Variants in COL2A1 observed in about 807,000 individuals in gnomAD.
COL2A1 encodes collagen type II alpha 1 chain.
A neutral mutation model predicts 204.5 loss-of-function variants in COL2A1; 28 were observed. That is an observed-to-expected ratio of 0.14 (90% confidence interval 0.10 to 0.19). The LOEUF is 0.19. Among genes scored for constraint, COL2A1 ranks in the 10% least tolerant of loss-of-function variants. The pLI, the probability that COL2A1 is intolerant of heterozygous loss-of-function variation, is 1.00. For missense variants in COL2A1, 1,388 were observed against 2,027.5 expected (o/e 0.68, Z 6.06); for synonymous variants, 708 against 718.7 (o/e 0.99, Z 0.24).
Position 47,976,414 on chromosome 12 carries a change from C to G in COL2A1, c.3489+100G>C. 7.2e-7 allele frequency: 1 copy of G among 1,387,254 alleles called. No homozygotes were observed. The highest frequency in any genetic ancestry group is 1.2e-5 in the South Asian group (1 of 85,916). 85.9% of individuals were successfully genotyped at this position (1,387,254 alleles called of 1,614,324 possible). A position where few individuals can be genotyped will look rare whatever the true frequency, so the allele number is the denominator to read the frequency against. ...CATTACTGAGTGAGGACCCCTGAGC[C>G]CACAGCTTCCCCAGAAGCAGCAGCA... is the stretch of plus-strand genomic sequence containing the variant. On this transcript the variant is annotated intron_variant, in intron 49 of 53. Transcript: ENST00000380518. This position sits in a 1 kb window ranked among gnomAD's most constrained non-coding sequence, Gnocchi z 4.3.
chr12:47,979,980 C>T (rs757878619), intron 40 of COL2A1, 29 bp downstream of exon 40: 1 of 1,546,122 alleles, frequency 6.5e-7, no homozygotes. Context: ...TTGTGAGGTG[C>T]AGGGTGGGGT....
intron 40 of COL2A1, 112 bp downstream of exon 40, chr12:47,979,897 A>G: frequency 2.0e-6 from 2 of 1,019,208 alleles, no homozygotes; most frequent in Non-Finnish European, 2.9e-6. Flanking sequence ...CTGGGGACCA[A>G]CGCAGGGCTG....
intron 18 of COL2A1, among the ~76,000 whole-genome samples, chr12:47,988,806 G>A (rs534118419): frequency 6.6e-6 from 1 of 152,380 alleles, no homozygotes; most frequent in Admixed American, 6.5e-5. Context: ...ACCCAGAGGG[G>A]AGCAGGGGCT....
intron 4 of COL2A1, 26 bp from the exon 5 acceptor site, chr12:47,998,090 G>A (rs766779650): frequency 1.2e-6 from 2 of 1,614,206 alleles, no homozygotes; most frequent in Admixed American, 1.7e-5. Flanking sequence ...CCACAGGATG[G>A]TAAGTTAGAG....
Position 47,993,462 on chromosome 12 carries a change from G to A in COL2A1, c.965C>T (p.Pro322Leu), listed in dbSNP as rs1382133199. The A allele has an allele frequency of 6.2e-7, 1 of 1,612,638 alleles. No individual in the cohort carries two copies. Among genetic ancestry groups the A allele is most frequent in the East Asian group, 2.2e-5 (1 of 44,882 alleles). Residue 322 changes from proline to leucine, a missense_variant, in exon 15 of 54, where the codon CCA becomes CTA. Physicochemically the swap from Pro to Leu is moderately conservative, Grantham distance 98. Transcript: ENST00000380518. ...GSPGENGSPG[P>L]MGPRGLPGER... ...CTGGAGGGTGTCCATACTTACCATT[G>A]GGCCCGGAGATCCGTTCTCACCCGG...
At chr12:47,995,582 G>T in intron 10 of COL2A1, 128 bp downstream of exon 10, 1 of 1,029,460 alleles carries the variant, frequency 9.7e-7, no homozygotes, top group Non-Finnish European at 1.5e-6. Flanking sequence ...AGTGACATCC[G>T]AATTTCCTTG....
Position 47,977,371 on chromosome 12 carries a change from G to C in COL2A1, c.3222C>G (p.Gly1074=), listed in dbSNP as rs746453469. Reference sequence around the variant, plus strand: ...CAGTTGGACCAGCGGGGCCAGGGGAGCCAGGGGGCCCAGGGGCTCCAGGAG... The same window carrying C: ...CAGTTGGACCAGCGGGGCCAGGGGACCCAGGGGGCCCAGGGGCTCCAGGAG... ...VGAPGAPGPP[G]SPGPAGPTGK... The change falls in exon 46 of 54, where the codon GGC becomes GGG. Residue 1074 remains glycine (G), a synonymous_variant. Coordinates refer to ENST00000380518, the MANE Select transcript of COL2A1 (RefSeq NM_001844.5). 2.5e-6 allele frequency: 4 copies of C among 1,613,658 alleles called. No homozygotes were observed. The highest frequency in any genetic ancestry group is 3.4e-6 in the Non-Finnish European group (4 of 1,179,800).
In COL2A1 at chr12:47,994,472, T is replaced by C; in HGVS notation, c.768A>G (p.Glu256=). ...GPPGKPGDDG[E]AGKPGKAGER... ...CACCAGCTTTTCCAGGTTTTCCAGC[T>C]TCACCCTGAAGGGAGAGAGAGAGAT... Residue 256 remains glutamate (E), a synonymous_variant, in exon 12 of 54, where the codon GAA becomes GAG. Coordinates refer to ENST00000380518, the MANE Select transcript of COL2A1 (RefSeq NM_001844.5). 1 of 1,613,952 alleles carries C rather than the reference T, an allele frequency of 6.2e-7. No homozygotes were observed. Among genetic ancestry groups the C allele is most frequent in the Non-Finnish European group, 8.5e-7 (1 of 1,180,016 alleles).
chr12:47,987,156 A>G lies in COL2A1; in HGVS notation c.1287T>C (p.Gly429=), dbSNP rs35012272. The stretch of plus-strand genomic sequence containing the variant: ...CCCGTGGCCCAGGGAAGCCAGGAGC[A>G]CCAGCAATGCCAGGAGCACCCTGTG... ...KGSAGAPGIA[G]APGFPGPRGP... The change falls in exon 21 of 54, where the codon GGT becomes GGC. Residue 429 remains glycine (G), a synonymous_variant. Transcript: ENST00000380518. This position sits in a 1 kb window ranked among gnomAD's most constrained non-coding sequence, Gnocchi z 4.1. 1,139 of 1,614,126 alleles carry G rather than the reference A, an allele frequency of 7.1e-4. 3 individuals are homozygous for G. Among genetic ancestry groups the G allele is most frequent in the South Asian group, 1.5e-3 (136 of 91,086 alleles).
In COL2A1 at chr12:47,978,903, C is replaced by G. The variant is rs551829820; in HGVS notation, c.2734-145G>C. On this transcript the variant is annotated intron_variant, in intron 41 of 53. Transcript: ENST00000380518. The surrounding 1 kb of genome is among the most constrained non-coding windows in gnomAD (Gnocchi z 5.5). ...ACTAAGGGCAGGCAGCTTAACCCCCCCAACCCCAATCTACCGCTGCAACCT... is the reference window on the plus strand; with the variant it reads ...ACTAAGGGCAGGCAGCTTAACCCCCGCAACCCCAATCTACCGCTGCAACCT... The G allele has an allele frequency of 4.5e-4, 363 of 815,528 alleles. No individual in the cohort carries two copies. Among genetic ancestry groups the G allele is most frequent in the Middle Eastern group, 1.7e-3 (5 of 3,000 alleles). 50.5% of individuals were successfully genotyped at this position (815,528 alleles called of 1,614,324 possible). A position where few individuals can be genotyped will look rare whatever the true frequency, so the allele number is the denominator to read the frequency against.
Position 47,997,854 on chromosome 12 carries a change from C to A in COL2A1, c.429+17G>T, listed in dbSNP as rs1471493805. ...TGGGAAGTCCACCAGGGTCAAGCAG[C>A]ATTGCTTTTTACTCACTTTTTCACC... is the stretch of plus-strand genomic sequence containing the variant. On this transcript the variant is annotated intron_variant, in intron 6 of 53. Coordinates refer to ENST00000380518, the MANE Select transcript of COL2A1 (RefSeq NM_001844.5). 2 of 1,614,106 alleles carry A rather than the reference C, an allele frequency of 1.2e-6. No individual in the cohort carries two copies. The highest frequency in any genetic ancestry group is 8.5e-7 in the Non-Finnish European group (1 of 1,180,032).
In COL2A1 at chr12:48,004,219, G is replaced by C. The variant is rs3803184; in HGVS notation, c.85+18C>G. ...GCATGGAAAGCAGGCAGGCAGGCAGGGGCGGGGGAAGACTTACGGACATCC... is the reference window on the plus strand; with the variant it reads ...GCATGGAAAGCAGGCAGGCAGGCAGCGGCGGGGGAAGACTTACGGACATCC... On this transcript the variant is annotated intron_variant, in intron 1 of 53. Coordinates refer to ENST00000380518, the MANE Select transcript of COL2A1 (RefSeq NM_001844.5). The C allele has an allele frequency of 0.81, 1,233,217 of 1,525,864 alleles. 502,979 individuals carry two copies. Among genetic ancestry groups the C allele is most frequent in the Non-Finnish European group, 0.84 (947,275 of 1,124,466 alleles). The allele number at this position is 1,525,864 out of a possible 1,614,324, so 94.5% of individuals were successfully genotyped here.
Position 47,978,203 on chromosome 12 carries a change from A to G in COL2A1, c.3004-86T>C, listed in dbSNP as rs1592202114. On this transcript the variant is annotated intron_variant, in intron 43 of 53. Coordinates refer to ENST00000380518, the MANE Select transcript of COL2A1 (RefSeq NM_001844.5). This position sits in a 1 kb window ranked among gnomAD's most constrained non-coding sequence, Gnocchi z 5.5. The stretch of plus-strand genomic sequence containing the variant: ...CTGACCCTTCAGGGAGAGGGCAGAC[A>G]AGGGACAGTCCTGAGGGTGCTGAGG... 11 of 1,581,706 alleles carry G rather than the reference A, an allele frequency of 7.0e-6. No homozygotes were observed. Among genetic ancestry groups the G allele is most frequent in the Non-Finnish European group, 8.6e-6 (10 of 1,156,664 alleles).
Position 48,004,341 on chromosome 12 carries a change from C to A in COL2A1, c.-20G>T, listed in dbSNP as rs1460457652. On this transcript the variant is annotated 5_prime_UTR_variant, in exon 1 of 54. Coordinates refer to ENST00000380518, the MANE Select transcript of COL2A1 (RefSeq NM_001844.5). ...AATCATGGCTCACCGCGGGGCCTGGCTGAGCCGGGCCCGGGCGGAGCGCAG... is the reference window on the plus strand; with the variant it reads ...AATCATGGCTCACCGCGGGGCCTGGATGAGCCGGGCCCGGGCGGAGCGCAG... The A allele has an allele frequency of 6.7e-7, 1 of 1,491,318 alleles. No homozygotes were observed. Among genetic ancestry groups the A allele is most frequent in the Non-Finnish European group, 9.1e-7 (1 of 1,094,550 alleles). 92.4% of individuals were successfully genotyped at this position (1,491,318 alleles called of 1,614,324 possible). A position where few individuals can be genotyped will look rare whatever the true frequency, so the allele number is the denominator to read the frequency against.
intron 1 of COL2A1, 129 bp from the exon 2 acceptor site, chr12:48,000,254 A>C: frequency 1.4e-6 from 1 of 697,894 alleles, no homozygotes; most frequent in African/African-American, 1.8e-5. Flanking sequence ...GGCTGGGGCC[A>C]CCTGGACATA....
intron 1 of COL2A1, chr12:48,001,156 A>C (rs1023496551): frequency 1.3e-5 from 2 of 152,298 alleles, no homozygotes; most frequent in Non-Finnish European, 2.9e-5. Context: ...TAGAGCCCGC[A>C]CCACGTGCTA....
chr12:47,986,924 C>T (rs1565683808), intron 21 of COL2A1, 36 bp from the exon 22 acceptor site: 3 of 1,613,506 alleles, frequency 1.9e-6, no homozygotes, highest in Non-Finnish European at 1.7e-6. Flanking sequence ...ACCAGATTCT[C>T]TCCAGGGAGC....
chr12:47,999,651 T>G, intron 2 of COL2A1: 1 of 196,676 alleles, frequency 5.1e-6, no homozygotes. Flanking sequence ...TTTTTTTTTT[T>G]TTGTAGAATC....
chr12:47,984,596 C>T lies in COL2A1; in HGVS notation c.1837G>A (p.Glu613Lys), dbSNP rs765275917. Residue 613 changes from glutamate to lysine, a missense_variant, in exon 28 of 54, where the codon GAG (glutamate) becomes AAG (lysine). Glu to Lys is a moderately conservative substitution (Grantham distance 56). This residue lies in a region of COL2A1 where 884 missense variants were observed against 1,415.8 expected (regional missense o/e 0.62). Coordinates refer to ENST00000380518, the MANE Select transcript of COL2A1 (RefSeq NM_001844.5). ...GFPGPKGANG[E>K]PGKAGEKGLP... ...CCCTTCTCACCAGCTTTGCCAGGCT[C>T]ACCCTGAAGGAAAGAGAGGGCAGGG... 2.5e-5 allele frequency: 40 copies of T among 1,614,160 alleles called. No individual in the cohort carries two copies. Among genetic ancestry groups the T allele is most frequent in the Non-Finnish European group, 3.3e-5 (39 of 1,180,016 alleles).
Sources: gnomAD v4.1 joint callset for allele counts (sites outside exome capture counted in the v4.1 genomes callset) on GRCh38, gnomAD v4.1.1 for gene constraint, gnomAD v4.1.1 regional missense constraint, Gnocchi (gnomAD v3.1) non-coding constraint, MANE v1.5 for transcripts, NCBI Gene and HGNC (gene_info 2026-07-23, HGNC 2026-07-21) for gene names.